Variants in CNTN5 observed in about 807,000 individuals in gnomAD.
CNTN5 encodes contactin 5.
A neutral mutation model predicts 129.1 loss-of-function variants in CNTN5; 77 were observed. That is an observed-to-expected ratio of 0.60 (90% confidence interval 0.50 to 0.72). CNTN5 has a LOEUF of 0.72. CNTN5 is among the 30% of genes least tolerant of loss of function. The pLI, the probability that CNTN5 is intolerant of heterozygous loss-of-function variation, is 0.00. For synonymous variants in CNTN5, 509 were observed against 465.6 expected, an observed-to-expected ratio of 1.09 and a Z score of -1.20; for missense variants, 1,478 against 1,328.8, an observed-to-expected ratio of 1.11 and a Z score of -1.75.
chr11:100,034,960 G>C (rs537540337), intron 9 of CNTN5, among the ~76,000 whole-genome samples: 47 of 151,928 alleles, frequency 3.1e-4, no homozygotes, highest in African/African-American at 1.1e-3. Context: ...ACTTCTTTCT[G>C]TATCTTTTTT....
rs1210503699 is a variant in CNTN5 at position 100,286,592 on chromosome 11, A to G, written c.2315-11033A>G. On this transcript the variant is annotated intron_variant, in intron 18 of 24. Transcript: ENST00000524871. ...AACAAACAGAAAGGACATCCACACC[A>G]AAAACCCATCTGTACATCACCATCA... 5.6e-3 allele frequency among the ~76,000 whole-genome samples: 806 copies of G among 142,692 alleles called. 7 individuals carry two copies. The highest frequency in any genetic ancestry group is 0.02 in the African/African-American group (724 of 35,982). The allele number at this position is 142,692 out of a possible 152,430, so 93.6% of individuals were successfully genotyped here.
At chr11:99,717,460 TA>T (rs1414478650) in intron 3 of CNTN5, among the ~76,000 whole-genome samples, 2 of 152,122 alleles carry the variant, frequency 1.3e-5, no homozygotes, top group South Asian at 2.1e-4. Context: ...ATCAGTAATA[TA>T]AAAAAAGATA....
intron 6 of CNTN5, among the ~76,000 whole-genome samples, chr11:99,847,145 G>A (rs140051588): frequency 6.6e-6 from 1 of 152,336 alleles, no homozygotes; most frequent in East Asian, 1.9e-4. Context: ...AGGTATACCA[G>A]TTAGCTATAG....
chr11:99,668,215 A>G (rs1362773295), intron 3 of CNTN5, among the ~76,000 whole-genome samples: 2 of 152,162 alleles, frequency 1.3e-5, no homozygotes, highest in African/African-American at 4.8e-5. Context: ...CTAGTAGGAC[A>G]CAACTAGGCA....
At chr11:99,725,013 C>G (rs1382621255) in intron 3 of CNTN5, among the ~76,000 whole-genome samples, 2 of 152,168 alleles carry the variant, frequency 1.3e-5, no homozygotes, top group African/African-American at 4.8e-5. Flanking sequence ...AAGTAGAAGA[C>G]TTGATTGTTT....
intron 3 of CNTN5, among the ~76,000 whole-genome samples, chr11:99,688,776 G>A (rs1565428783): frequency 6.6e-6 from 1 of 152,024 alleles, no homozygotes; most frequent in East Asian, 1.9e-4. Flanking sequence ...CCCTCTGACA[G>A]GCCCCAGTGT....
At chr11:99,908,995 A>C (rs1368047572) in intron 6 of CNTN5, among the ~76,000 whole-genome samples, 3 of 152,108 alleles carry the variant, frequency 2.0e-5, no homozygotes, top group Non-Finnish European at 4.4e-5. Context: ...AAACGGGGCT[A>C]ATGAAAGTTT....
intron 17 of CNTN5, among the ~76,000 whole-genome samples, chr11:100,259,383 G>A (rs899027942): frequency 1.3e-5 from 2 of 151,742 alleles, no homozygotes; most frequent in Admixed American, 1.3e-4. Context: ...ATTGGACAAA[G>A]GAACAAGACA....
intron 2 of CNTN5, among the ~76,000 whole-genome samples, chr11:99,429,050 A>T (rs1254565862): frequency 6.6e-6 from 1 of 152,174 alleles, no homozygotes; most frequent in African/African-American, 2.4e-5. Context: ...TAGCAGATAT[A>T]ATTATAAAAC....
At chr11:100,122,927 T>C (rs553560129) in intron 13 of CNTN5, among the ~76,000 whole-genome samples, 50 of 152,166 alleles carry the variant, frequency 3.3e-4, no homozygotes, top group African/African-American at 1.1e-3. Context: ...TCAGAGGCTT[T>C]TGCAATATCC....
At chr11:99,190,098 C>T (rs1858559976) in intron 1 of CNTN5, among the ~76,000 whole-genome samples, 1 of 151,558 alleles carries the variant, frequency 6.6e-6, no homozygotes, top group African/African-American at 2.4e-5. Flanking sequence ...AGATACTGAT[C>T]TAATTGTATT....
At chr11:99,902,243 T>C (rs1389124184) in intron 6 of CNTN5, among the ~76,000 whole-genome samples, 1 of 9,642 alleles carries the variant, frequency 1.0e-4, no homozygotes, top group African/African-American at 8.3e-4. Flanking sequence ...AGCTAAGGAG[T>C]TTTTTTTTTT....
intron 3 of CNTN5, among the ~76,000 whole-genome samples, chr11:99,793,412 A>T (rs1263888666): frequency 7.0e-6 from 1 of 142,632 alleles, no homozygotes; most frequent in African/African-American, 2.5e-5. Context: ...AATCTTCTGT[A>T]TGGTTTTTCA....
At chr11:99,431,909 G>T (rs980559164) in intron 2 of CNTN5, among the ~76,000 whole-genome samples, 12 of 152,158 alleles carry the variant, frequency 7.9e-5, no homozygotes, top group African/African-American at 2.9e-4. Context: ...AGTATTTAAA[G>T]CAGAAACAGG....
chr11:100,165,457 C>CTAA (rs10652194), intron 13 of CNTN5, among the ~76,000 whole-genome samples: 104,551 of 151,202 alleles, frequency 0.69, 37,660 homozygotes, highest in African/African-American at 0.9. Context: ...TGAAAAGTGA[C>CTAA]TAATGTATCA....
At chr11:99,906,755 C>T (rs747496418) in intron 6 of CNTN5, among the ~76,000 whole-genome samples, 13 of 152,112 alleles carry the variant, frequency 8.5e-5, no homozygotes, top group Non-Finnish European at 1.8e-4. Context: ...TAGAATTCGG[C>T]TGTGAATCCA....
intron 1 of CNTN5, among the ~76,000 whole-genome samples, chr11:99,188,928 G>A (rs1858493016): frequency 6.6e-6 from 1 of 151,514 alleles, no homozygotes; most frequent in South Asian, 2.1e-4. Flanking sequence ...TCATCATGTT[G>A]TACAATAGAT....
At chr11:99,954,536 G>A (rs1402315764) in intron 7 of CNTN5, among the ~76,000 whole-genome samples, 2 of 152,196 alleles carry the variant, frequency 1.3e-5, no homozygotes, top group African/African-American at 4.8e-5. Context: ...GCTAAAGGCT[G>A]TGGCACCACA....
At chr11:99,534,612 A>G (rs1947835949) in intron 2 of CNTN5, among the ~76,000 whole-genome samples, 1 of 152,204 alleles carries the variant, frequency 6.6e-6, no homozygotes, top group Non-Finnish European at 1.5e-5. Flanking sequence ...GTGTATTTAG[A>G]GAATGGGGAA....
Sources: allele counts gnomAD v4.1 joint callset (sites outside exome capture counted in the v4.1 genomes callset), GRCh38; gene constraint gnomAD v4.1.1; transcripts MANE v1.5; gene names NCBI Gene and HGNC (gene_info 2026-07-23, HGNC 2026-07-21).